DPP6: variants seen among roughly 807,000 people sequenced by gnomAD.
DPP6 encodes dipeptidyl peptidase like 6.
A neutral mutation model predicts 122.6 loss-of-function variants in DPP6; 69 were observed. The observed-to-expected ratio is 0.56, with a 90% CI of 0.46 to 0.69. The LOEUF (loss-of-function observed/expected upper bound fraction) is 0.69. DPP6 is among the 30% of genes least tolerant of loss of function. DPP6 has a pLI of 0.00. For missense variants in DPP6, 928 were observed against 1,116.9 expected (o/e 0.83, Z 2.41); for synonymous variants, 418 against 433.1 (o/e 0.97, Z 0.43).
chr7:153,818,845 G>A, the DPP6 span, among the ~76,000 whole-genome samples: 5 of 151,770 alleles, frequency 3.3e-5, no homozygotes, highest in African/African-American at 4.8e-5. Context: ...TCTGCCTCCC[G>A]GGTGCAAGCG....
At chr7:154,484,111 C>G (rs974446265) in intron 3 of DPP6, among the ~76,000 whole-genome samples, 3 of 152,174 alleles carry the variant, frequency 2.0e-5, no homozygotes, top group Admixed American at 6.5e-5. Flanking sequence ...CTTTTAACAT[C>G]ACTAACCACA....
At chr7:154,642,526 G>T (rs978965928) in intron 6 of DPP6, among the ~76,000 whole-genome samples, 2 of 152,240 alleles carry the variant, frequency 1.3e-5, no homozygotes, top group East Asian at 1.9e-4. Flanking sequence ...AGAGGCGGAG[G>T]TTGCAGTGAG....
At chr7:154,371,351 C>CCA (rs1354574124) in intron 1 of DPP6, among the ~76,000 whole-genome samples, 11 of 117,578 alleles carry the variant, frequency 9.4e-5, no homozygotes, top group Admixed American at 3.7e-4. Context: ...TGCACTCCAG[C>CCA]CTGGGAGACA....
At chr7:153,983,032 C>A (rs529094620) in intron 1 of DPP6, among the ~76,000 whole-genome samples, 1 of 152,338 alleles carries the variant, frequency 6.6e-6, no homozygotes, top group African/African-American at 2.4e-5. Flanking sequence ...GTGAGGGACC[C>A]ACTTGATGAG....
chr7:154,353,971 A>G (rs575472826), intron 1 of DPP6, among the ~76,000 whole-genome samples: 32 of 152,272 alleles, frequency 2.1e-4, no homozygotes, highest in Non-Finnish European at 3.7e-4. Flanking sequence ...GTCCTTGAGG[A>G]TGGGGCTTAT....
chr7:154,787,387 G>T (rs1369219295), intron 10 of DPP6, among the ~76,000 whole-genome samples: 2 of 150,382 alleles, frequency 1.3e-5, no homozygotes, highest in African/African-American at 4.9e-5. Context: ...TTTCCCTACT[G>T]ATTTGGAATG....
At chr7:154,501,716 A>T (rs186905081) in intron 3 of DPP6, among the ~76,000 whole-genome samples, 44 of 152,256 alleles carry the variant, frequency 2.9e-4, no homozygotes, top group African/African-American at 9.4e-4. Flanking sequence ...CCTCATGGAG[A>T]ACCTCTGCTA....
rs147576379 is a variant in DPP6 at position 154,249,938 on chromosome 7, G to T, written c.244-196276G>T. ...TAAAAGGCAGAAATGAAATCCACAG[G>T]CAGACAGCCTGGTACCACACCCGGG... On this transcript the variant is annotated intron_variant, in intron 1 of 25. Coordinates refer to ENST00000377770, the MANE Select transcript of DPP6 (RefSeq NM_130797.4). Among the ~76,000 whole-genome samples the T allele has an allele frequency of 1.7e-3, 252 of 152,238 alleles. 2 individuals carry two copies. Among genetic ancestry groups the T allele is most frequent in the African/African-American group, 5.8e-3 (240 of 41,518 alleles).
chr7:154,148,188 G>C (rs182484000), intron 1 of DPP6, among the ~76,000 whole-genome samples: 5,438 of 135,246 alleles, frequency 0.04, 233 homozygotes, highest in African/African-American at 0.15. Context: ...ACTGAGCAAG[G>C]CCTGGGGAGT....
At chr7:154,314,184 A>G (rs1206882272) in intron 1 of DPP6, among the ~76,000 whole-genome samples, 2 of 152,116 alleles carry the variant, frequency 1.3e-5, no homozygotes, top group African/African-American at 4.8e-5. Flanking sequence ...TCCACCTGCT[A>G]GCTGAGGGAT....
At chr7:154,252,237 C>CGCGT (rs1297782455) in intron 1 of DPP6, among the ~76,000 whole-genome samples, 24 of 115,102 alleles carry the variant, frequency 2.1e-4, no homozygotes, top group Non-Finnish European at 2.2e-4. Flanking sequence ...TGTGTGTGTG[C>CGCGT]GCGCATGCGC....
chr7:154,864,967 C>T (rs1803728848), intron 17 of DPP6, among the ~76,000 whole-genome samples: 2 of 152,220 alleles, frequency 1.3e-5, no homozygotes, highest in Admixed American at 6.5e-5. Flanking sequence ...GTTTAACCTT[C>T]TCCTTCATGA....
At chr7:154,669,490 T>G in intron 7 of DPP6, 49 bp downstream of exon 7, 1 of 1,547,212 alleles carries the variant, frequency 6.5e-7, no homozygotes, top group Non-Finnish European at 8.7e-7. Context: ...AGGAAGTTTC[T>G]GTTTTCTAAG....
intron 7 of DPP6, among the ~76,000 whole-genome samples, chr7:154,689,288 T>G (rs1389246992): frequency 1.3e-5 from 2 of 152,242 alleles, no homozygotes; most frequent in South Asian, 2.1e-4. Context: ...TTTGCACGAT[T>G]TATTTGGGAA....
intron 5 of DPP6, among the ~76,000 whole-genome samples, chr7:154,621,440 C>T (rs1056967202): frequency 1.3e-5 from 2 of 152,230 alleles, no homozygotes; most frequent in African/African-American, 4.8e-5. Context: ...GCAATCTCAG[C>T]TCACTGCAAC....
intron 1 of DPP6, among the ~76,000 whole-genome samples, chr7:154,404,469 G>T (rs958143473): frequency 5.3e-5 from 8 of 152,108 alleles, no homozygotes; most frequent in Non-Finnish European, 1.0e-4. Flanking sequence ...AAATAAGAAG[G>T]ATTACCATCT....
chr7:153,878,056 C>T, the DPP6 span, among the ~76,000 whole-genome samples: 1 of 152,094 alleles, frequency 6.6e-6, no homozygotes, highest in Non-Finnish European at 1.5e-5. Flanking sequence ...ATGCAAGATA[C>T]CCGTATACCG....
chr7:153,933,417 C>G (rs192431155), intron 1 of DPP6, among the ~76,000 whole-genome samples: 270 of 152,252 alleles, frequency 1.8e-3, no homozygotes, highest in African/African-American at 5.6e-3. Context: ...AAACCTTTGT[C>G]TATGTTTATT....
chr7:154,035,067 TGAACCC>T (rs1799448844), intron 1 of DPP6, among the ~76,000 whole-genome samples: 1 of 152,078 alleles, frequency 6.6e-6, no homozygotes, highest in Non-Finnish European at 1.5e-5. Flanking sequence ...CTGAGGCACC[TGAACCC>T]AGCAACCTCT....
Sources: gnomAD v4.1 joint callset for allele counts (sites outside exome capture counted in the v4.1 genomes callset) on GRCh38, gnomAD v4.1.1 for gene constraint, MANE v1.5 for transcripts, NCBI Gene and HGNC (gene_info 2026-07-23, HGNC 2026-07-21) for gene names.